HHIP: variants seen among roughly 807,000 people sequenced by gnomAD.
The protein encoded by HHIP is hedgehog interacting protein.
Under a neutral mutation model 74.0 loss-of-function variants are expected in HHIP, and 12 were observed. The observed-to-expected ratio is 0.16, with a 90% confidence interval of 0.10 to 0.26. HHIP has a LOEUF of 0.26. Among genes scored for constraint, HHIP ranks in the 10% least tolerant of loss-of-function variants. The pLI is 1.00. For missense variants in HHIP, 788 were observed against 845.0 expected, an observed-to-expected ratio of 0.93 and a Z score of 0.84; for synonymous variants, 309 against 311.6, an observed-to-expected ratio of 0.99 and a Z score of 0.09.
rs371593827 is a variant in HHIP at position 144,740,381 on chromosome 4, G to A, written c.*2424G>A. 6.6e-6 allele frequency: 1 copy of A among 152,042 alleles called. No individual in the cohort carries two copies. The highest frequency in any genetic ancestry group is 6.6e-5 in the Admixed American group (1 of 15,252). The allele number at this position is 152,042 out of a possible 1,614,324, so 9.4% of individuals were successfully genotyped here. Reference sequence around the variant, plus strand: ...TCAAGTGACTTAGAAAAACATATGTGCCCCAGGTGTCATTGCCTTTTCTTT... The same window carrying A: ...TCAAGTGACTTAGAAAAACATATGTACCCCAGGTGTCATTGCCTTTTCTTT... On this transcript the variant is annotated 3_prime_UTR_variant, in exon 13 of 13. Coordinates refer to ENST00000296575, the MANE Select transcript of HHIP (RefSeq NM_022475.3).
chr4:144,718,600 A>C (rs753061455), intron 10 of HHIP, among the ~76,000 whole-genome samples: 3 of 152,200 alleles, frequency 2.0e-5, no homozygotes, highest in Non-Finnish European at 4.4e-5. Flanking sequence ...GAGTGGCAAC[A>C]GGGAGCTCAG....
intron 4 of HHIP, among the ~76,000 whole-genome samples, chr4:144,705,864 C>G (rs1379078026): frequency 6.6e-6 from 1 of 152,188 alleles, no homozygotes; most frequent in Admixed American, 6.5e-5. Flanking sequence ...CCAGCCGTGG[C>G]CTTTAGGCAT....
At chr4:144,680,371 C>A (rs1729301058) in intron 4 of HHIP, among the ~76,000 whole-genome samples, 1 of 152,170 alleles carries the variant, frequency 6.6e-6, no homozygotes, top group Admixed American at 6.5e-5. Context: ...GCTGTTCATT[C>A]TGCCATTCAT....
At chr4:144,725,680 G>A (rs1220015760) in intron 11 of HHIP, among the ~76,000 whole-genome samples, 2 of 151,940 alleles carry the variant, frequency 1.3e-5, no homozygotes, top group Non-Finnish European at 2.9e-5. Flanking sequence ...GTGTGTGTGT[G>A]TGTTTGAGAC....
intron 5 of HHIP, 27 bp from the exon 6 acceptor site, chr4:144,707,060 T>A (rs1560713833): frequency 6.3e-7 from 1 of 1,598,514 alleles, no homozygotes; most frequent in Admixed American, 1.7e-5. Flanking sequence ...TTAACAGTCA[T>A]GGTATTGTTT....
chr4:144,649,928 A>T (rs917785580), intron 1 of HHIP, among the ~76,000 whole-genome samples: 3 of 152,144 alleles, frequency 2.0e-5, no homozygotes, highest in Non-Finnish European at 4.4e-5. Flanking sequence ...TAATGACATA[A>T]TCCAGCACTA....
rs1405714957 is a variant in HHIP, at chr4:144,742,832, GTTATATATATATCT to G, written c.*4891_*4904del. 4 of 134,368 alleles carry G rather than the reference GTTATATATATATCT, an allele frequency of 3.0e-5. No homozygotes were observed. The highest frequency in any genetic ancestry group is 1.5e-4 in the Admixed American group (2 of 13,242). 8.3% of individuals were successfully genotyped at this position (134,368 alleles called of 1,614,324 possible). A position where few individuals can be genotyped will look rare whatever the true frequency, so the allele number is the denominator to read the frequency against. On this transcript the variant is annotated 3_prime_UTR_variant, in exon 13 of 13. Coordinates refer to ENST00000296575, the MANE Select transcript of HHIP (RefSeq NM_022475.3). ...TTATATATATGGTTATATATATTTG[GTTATATATATATCT>G]TTATATATATATCTTATATATATAT...
chr4:144,696,131 G>C (rs1007620708), intron 4 of HHIP, among the ~76,000 whole-genome samples: 1 of 151,788 alleles, frequency 6.6e-6, no homozygotes, highest in Non-Finnish European at 1.5e-5. Flanking sequence ...TAGCACTTTA[G>C]AGCTCATTAA....
At chr4:144,714,454 C>G in intron 9 of HHIP, 106 bp downstream of exon 9, 1 of 1,104,918 alleles carries the variant, frequency 9.1e-7, no homozygotes, top group Non-Finnish European at 1.4e-6. Context: ...TTTTGTGCAT[C>G]AGATGGGGAA....
In HHIP at chr4:144,738,195, A is replaced by G; in HGVS notation, c.*238A>G. The G allele has an allele frequency of 9.1e-7, 1 of 1,102,276 alleles. No individual in the cohort carries two copies. The highest frequency in any genetic ancestry group is 1.1e-6 in the Non-Finnish European group (1 of 904,878). 68.3% of individuals were successfully genotyped at this position (1,102,276 alleles called of 1,614,324 possible). ...GTTGTTGCATAACAGATGATTTTTT[A>G]AAATATATACTTCCTTATGCAAAGT... On this transcript the variant is annotated 3_prime_UTR_variant, in exon 13 of 13. Transcript: ENST00000296575.
At chr4:144,713,705 C>A (rs1332898569) in intron 8 of HHIP, among the ~76,000 whole-genome samples, 3 of 152,112 alleles carry the variant, frequency 2.0e-5, no homozygotes, top group African/African-American at 7.2e-5. Flanking sequence ...TATTACTTGA[C>A]TAAGTTACAA....
chr4:144,732,799 T>G (rs909623010), intron 11 of HHIP, among the ~76,000 whole-genome samples: 17 of 152,296 alleles, frequency 1.1e-4, no homozygotes, highest in African/African-American at 4.1e-4. Context: ...ATGTAATAGA[T>G]TTTTGACATA....
intron 4 of HHIP, among the ~76,000 whole-genome samples, chr4:144,699,414 GA>G (rs1729915376): frequency 6.6e-6 from 1 of 152,064 alleles, no homozygotes; most frequent in African/African-American, 2.4e-5. Flanking sequence ...CACTCTCTGT[GA>G]ACCCTATTGT....
At chr4:144,692,275 A>C (rs1729695204) in intron 4 of HHIP, among the ~76,000 whole-genome samples, 1 of 152,076 alleles carries the variant, frequency 6.6e-6, no homozygotes, top group Non-Finnish European at 1.5e-5. Context: ...GAAGATTCAA[A>C]CCCAACTGTC....
At chr4:144,683,074 T>G (rs1448755680) in intron 4 of HHIP, among the ~76,000 whole-genome samples, 1 of 152,202 alleles carries the variant, frequency 6.6e-6, no homozygotes, top group African/African-American at 2.4e-5. Context: ...CACATTAAAG[T>G]AGTAACTTCT....
chr4:144,659,444 TTTGTTTTTTGCCA>T (rs1383066755), intron 3 of HHIP, among the ~76,000 whole-genome samples, 180 bp from the exon 4 acceptor site: 2 of 152,218 alleles, frequency 1.3e-5, no homozygotes, highest in Non-Finnish European at 2.9e-5. Context: ...AGAAGGCTGT[TTTGTTTTTTGCCA>T]TTGAAAGAAT....
chr4:144,664,844 T>C (rs764870012), intron 4 of HHIP, among the ~76,000 whole-genome samples: 4 of 152,210 alleles, frequency 2.6e-5, no homozygotes, highest in African/African-American at 9.7e-5. Context: ...TTTTGACTTA[T>C]CAGATTACTG....
Position 144,707,645 on chromosome 4 carries a change from G to GTAAAAAAAAAAAAA in HHIP, c.1157+385_1157+386insTAAAAAAAAAAAAA, listed in dbSNP as rs1469019633. ...GCTGACAAAAATTAAGAGAACAGAG[G>GTAAAAAAAAAAAAA]CAAAAAAAAAAAAGCAGTGTACTAC... On this transcript the variant is annotated intron_variant, in intron 6 of 12. Transcript: ENST00000296575. 0.013 allele frequency among the ~76,000 whole-genome samples: 6 copies of GTAAAAAAAAAAAAA among 464 alleles called. No individual in the cohort carries two copies. The South Asian group carries it at 0.3, about 23-fold the overall frequency. The allele number at this position is 464 out of a possible 152,430, so 0.3% of individuals were successfully genotyped here. A position where few individuals can be genotyped will look rare whatever the true frequency, so the allele number is the denominator to read the frequency against.
intron 11 of HHIP, among the ~76,000 whole-genome samples, chr4:144,729,903 G>T (rs1455865023): frequency 4.6e-5 from 7 of 152,122 alleles, no homozygotes; most frequent in African/African-American, 1.7e-4. Context: ...TTCAGAATGA[G>T]CTCCTTTATT....
Sources: gnomAD v4.1 joint callset for allele counts (sites outside exome capture counted in the v4.1 genomes callset) on GRCh38, gnomAD v4.1.1 for gene constraint, MANE v1.5 for transcripts, NCBI Gene and HGNC (gene_info 2026-07-23, HGNC 2026-07-21) for gene names.